NMRK2: variants seen among roughly 807,000 people sequenced by gnomAD.
The protein encoded by NMRK2 is nicotinamide riboside kinase 2, also known as NRK 2.
A neutral mutation model predicts 24.7 loss-of-function variants in NMRK2; 34 were observed. The ratio of observed to expected loss-of-function variants is 1.37; its 90% CI spans 1.05 to 1.83. The LOEUF (loss-of-function observed/expected upper bound fraction) is 1.83, where lower values mean the gene tolerates loss of function less well. Among genes scored for constraint, NMRK2 ranks in the 40% most tolerant of loss-of-function variants. NMRK2 has a pLI of 0.00. For missense variants in NMRK2, 341 were observed against 315.0 expected, an observed-to-expected ratio of 1.08 and a Z score of -0.62; for synonymous variants, 145 against 125.6, an observed-to-expected ratio of 1.15 and a Z score of -1.03.
rs150621748 is a variant in NMRK2 at position 3,942,224 on chromosome 19, G to A, written c.644G>A (p.Cys215Tyr). ...AGGACACAGGGACCCGGACGCGGAT[G>A]CGGCCACAGAACGGCCAGGCCTGCA... ...PARTQGPGRG[C>Y]GHRTARPAAS... Residue 215 changes from cysteine (C) to tyrosine (Y), a missense_variant, in exon 8 of 8, where the codon TGC becomes TAC. By Grantham distance (194) the Cys-to-Tyr change is radical (BLOSUM62 -2). Coordinates refer to ENST00000168977, the MANE Select transcript of NMRK2 (RefSeq NM_170678.3). 5 of 1,612,588 alleles carry A rather than the reference G, an allele frequency of 3.1e-6. No homozygotes were observed. In the African/African-American group the frequency reaches 5.3e-5, roughly 17 times the overall value.
At chr19:3,941,201 C>A (rs1380815637) in intron 7 of NMRK2, 24 bp downstream of exon 7, 1 of 1,241,896 alleles carries the variant, frequency 8.1e-7, no homozygotes, top group East Asian at 2.7e-5. Flanking sequence ...CATGACCAGG[C>A]CTTGCCCCGG....
chr19:3,933,734 G>A (rs2039157835), intron 2 of NMRK2, 37 bp downstream of exon 2: 2 of 1,395,334 alleles, frequency 1.4e-6, no homozygotes, highest in Admixed American at 3.2e-5. Context: ...GCCCTGCGGG[G>A]CAAAGCCCCC....
rs772240738 is a variant in NMRK2, at chr19:3,942,212, C to T, written c.632C>T (p.Pro211Leu). The T allele has an allele frequency of 3.1e-6, 5 of 1,612,944 alleles. No individual in the cohort carries two copies. Among genetic ancestry groups the T allele is most frequent in the South Asian group, 2.2e-5 (2 of 91,056 alleles). Residue 211 changes from proline (P) to leucine (L), a missense_variant, in exon 8 of 8, where the codon CCC becomes CTC. Physicochemically the swap from Pro to Leu is moderately conservative, Grantham distance 98. Coordinates refer to ENST00000168977, the MANE Select transcript of NMRK2 (RefSeq NM_170678.3). The stretch of plus-strand genomic sequence containing the variant: ...GCTCGCCCAGCCAGGACACAGGGAC[C>T]CGGACGCGGATGCGGCCACAGAACG... ...SPARPARTQG[P>L]GRGCGHRTAR...
chr19:3,933,731 G>C (rs1431524978), intron 2 of NMRK2, 34 bp downstream of exon 2: 3 of 1,400,160 alleles, frequency 2.1e-6, no homozygotes, highest in African/African-American at 1.5e-5. Context: ...GCGGCCCTGC[G>C]GGGCAAAGCC....
At chr19:3,937,020 G>C (rs1472987296) in intron 3 of NMRK2, among the ~76,000 whole-genome samples, 1 of 152,080 alleles carries the variant, frequency 6.6e-6, no homozygotes, top group African/African-American at 2.4e-5. Context: ...TTTCCCATCT[G>C]CAAAATAGAC....
intron 3 of NMRK2, 49 bp downstream of exon 3, chr19:3,936,714 G>C (rs1257196031): frequency 6.8e-7 from 1 of 1,479,872 alleles, no homozygotes; most frequent in Non-Finnish European, 9.1e-7. Flanking sequence ...ATGCAGGGTG[G>C]GCAGCCAGGC....
Position 3,933,637 on chromosome 19 carries a change from C to G in NMRK2, c.-35C>G, listed in dbSNP as rs2039155185. ...CGTGGTCGCACCCTACCCGGGCTGC[C>G]TTGGAAGTCGTCCCCGCCGCCCCTC... On this transcript the variant is annotated 5_prime_UTR_variant, in exon 2 of 8. Transcript: ENST00000168977. The G allele has an allele frequency of 2.0e-6, 3 of 1,519,498 alleles. No homozygotes were observed. Among genetic ancestry groups the G allele is most frequent in the Admixed American group, 2.1e-5 (1 of 48,516 alleles). The allele number at this position is 1,519,498 out of a possible 1,614,324, so 94.1% of individuals were successfully genotyped here. A position where few individuals can be genotyped will look rare whatever the true frequency, so the allele number is the denominator to read the frequency against.
Position 3,933,563 on chromosome 19 carries a change from A to T in NMRK2, c.-109A>T. On this transcript the variant is annotated 5_prime_UTR_variant, in exon 2 of 8. It adds an upstream start codon to the 5' untranslated region. Coordinates refer to ENST00000168977, the MANE Select transcript of NMRK2 (RefSeq NM_170678.3). ...GCCTCCAGGCTGCCGAGACCTATAAAGGCGCCAGGTTTTCTCAATGAAGCC... is the reference window on the plus strand; with the variant it reads ...GCCTCCAGGCTGCCGAGACCTATAATGGCGCCAGGTTTTCTCAATGAAGCC... 2 of 1,357,360 alleles carry T rather than the reference A, an allele frequency of 1.5e-6. No individual in the cohort carries two copies. The highest frequency in any genetic ancestry group is 2.0e-6 in the Non-Finnish European group (2 of 1,009,452). 84.1% of individuals were successfully genotyped at this position (1,357,360 alleles called of 1,614,324 possible). A position where few individuals can be genotyped will look rare whatever the true frequency, so the allele number is the denominator to read the frequency against.
Position 3,941,166 on chromosome 19 carries a change from G to A in NMRK2, c.491G>A (p.Gly164Asp), listed in dbSNP as rs1402045635. ...TATAGGCAGGAGATGGAGGCCAACG[G>A]TGTGGAAGTGGGTAAGCCCCTGAGC... ...QKYRQEMEAN[G>D]VEVVYLDGMK... The change falls in exon 7 of 8, where the codon GGT (glycine) becomes GAT (aspartate). Residue 164 changes from glycine to aspartate, a missense_variant. Transcript: ENST00000168977. The A allele has an allele frequency of 6.3e-7, 1 of 1,588,470 alleles. No individual in the cohort carries two copies. Among genetic ancestry groups the A allele is most frequent in the Non-Finnish European group, 8.6e-7 (1 of 1,162,926 alleles).
At chr19:3,937,139 C>A in intron 3 of NMRK2, 101 bp from the exon 4 acceptor site, 2 of 1,191,192 alleles carry the variant, frequency 1.7e-6, no homozygotes, top group Non-Finnish European at 2.5e-6. Flanking sequence ...CCTCAGGGAC[C>A]TCAGCAGCTC....
chr19:3,939,129 G>A (rs576606930), intron 5 of NMRK2, among the ~76,000 whole-genome samples: 27 of 151,846 alleles, frequency 1.8e-4, no homozygotes, highest in African/African-American at 5.8e-4. Context: ...GATTACAGGC[G>A]TGAGCCACCA....
At chr19:3,934,872 C>T (rs1268310486) in intron 2 of NMRK2, among the ~76,000 whole-genome samples, 1 of 152,078 alleles carries the variant, frequency 6.6e-6, no homozygotes, top group East Asian at 1.9e-4. Context: ...CGTGAGCCAC[C>T]GTGCCCTGCC....
rs1357079590 is a variant in NMRK2 at position 3,938,729 on chromosome 19, TC to T, written c.295del (p.Leu99TrpfsTer22). On this transcript the variant is annotated frameshift_variant, in exon 5 of 8. Transcript: ENST00000168977. LOFTEE classifies it high-confidence loss of function. The stretch of plus-strand genomic sequence containing the variant: ...GAGGCCTCGGACACCCACATCCTCC[TC>T]CTGGAAGGCTTCCTGCTCTACAGCT... ...QPEASDTHIL[L>X]LEGFLLYSYK... 2.5e-6 allele frequency: 4 copies of T among 1,601,602 alleles called. No homozygotes were observed.
intron 6 of NMRK2, 65 bp from the exon 7 acceptor site, chr19:3,941,006 C>A: frequency 1.9e-6 from 2 of 1,072,050 alleles, no homozygotes; most frequent in Non-Finnish European, 2.8e-6. Flanking sequence ...AGGCCCCCCA[C>A]CGGGGGTATA....
intron 5 of NMRK2, among the ~76,000 whole-genome samples, chr19:3,939,091 C>A (rs1046826545): frequency 1.3e-5 from 2 of 151,684 alleles, no homozygotes; most frequent in Non-Finnish European, 2.9e-5. Context: ...TCAAGCCATC[C>A]GCCCGCCTCG....
In NMRK2 at chr19:3,937,262, G is replaced by C. The variant is rs143186680; in HGVS notation, c.140G>C (p.Gly47Ala). 15 of 1,613,162 alleles carry C rather than the reference G, an allele frequency of 9.3e-6. No individual in the cohort carries two copies. The African/African-American group carries it at 1.3e-4, about 14-fold the overall frequency. Residue 47 changes from glycine to alanine, a missense_variant, in exon 4 of 8, where the codon GGG becomes GCG. By Grantham distance (60) the Gly-to-Ala change is moderately conservative (BLOSUM62 0). Coordinates refer to ENST00000168977, the MANE Select transcript of NMRK2 (RefSeq NM_170678.3). ...CAGCCCCAAGACCAAATAGCAGTTG[G>C]GGAAGACGGCTTCAAACAGTGGGAC... ...FFKPQDQIAV[G>A]EDGFKQWDVL...
rs190263971 is a variant in NMRK2, at chr19:3,938,159, C to T, written c.167-444C>T. On this transcript the variant is annotated intron_variant, in intron 4 of 7. Coordinates refer to ENST00000168977, the MANE Select transcript of NMRK2 (RefSeq NM_170678.3). ...CCCCGTCCACTGTCCCCCCGGGGTC[C>T]ACCCTCCTGCAATGCCCGCTACCCG... Among the ~76,000 whole-genome samples the T allele has an allele frequency of 5.5e-4, 67 of 122,372 alleles. 1 individual carries two copies. The highest frequency in any genetic ancestry group is 2.2e-3 in the African/African-American group (67 of 31,050). 80.3% of individuals were successfully genotyped at this position (122,372 alleles called of 152,430 possible).
In NMRK2 at chr19:3,937,098, GA is replaced by G; in HGVS notation, c.118-138del. ...CTAATGAGATGATTGATGGTCTGGG[GA>G]AAATCTGAGGGTCAGGCAGAGCCCC... On this transcript the variant is annotated intron_variant, in intron 3 of 7. Coordinates refer to ENST00000168977, the MANE Select transcript of NMRK2 (RefSeq NM_170678.3). 4.0e-6 allele frequency: 3 copies of G among 743,810 alleles called. No individual in the cohort carries two copies. The South Asian group carries it at 4.7e-5, about 12-fold the overall frequency. 46.1% of individuals were successfully genotyped at this position (743,810 alleles called of 1,614,324 possible). A position where few individuals can be genotyped will look rare whatever the true frequency, so the allele number is the denominator to read the frequency against.
At chr19:3,936,687 G>A (rs750622813) in intron 3 of NMRK2, 22 bp downstream of exon 3, 5 of 1,540,406 alleles carry the variant, frequency 3.2e-6, no homozygotes, top group Non-Finnish European at 4.4e-6. Context: ...TGCCCGGGGA[G>A]GTGGAGCTGA....
Sources: gnomAD v4.1 joint callset for allele counts (sites outside exome capture counted in the v4.1 genomes callset) on GRCh38, gnomAD v4.1.1 for gene constraint, MANE v1.5 for transcripts, NCBI Gene and HGNC (gene_info 2026-07-23, HGNC 2026-07-21) for gene names.